Variants in PARPBP observed in about 807,000 individuals in gnomAD.
PARPBP encodes the protein PCNA-interacting partner.
In PARPBP, 52 loss-of-function variants were observed where a neutral mutation model predicts 50.0. That is an observed-to-expected ratio of 1.04 (90% CI 0.83 to 1.31). The LOEUF (loss-of-function observed/expected upper bound fraction) is 1.31, where lower values mean the gene tolerates loss of function less well. Among genes scored for constraint, PARPBP ranks in the 50% most tolerant of loss-of-function variants. PARPBP has a pLI of 0.00. For synonymous variants in PARPBP, 244 were observed against 232.1 expected (o/e 1.05, Z -0.47); for missense variants, 697 against 672.0 (o/e 1.04, Z -0.41).
At chr12:102,193,161 G>T (rs944447795) in intron 9 of PARPBP, among the ~76,000 whole-genome samples, 5 of 151,776 alleles carry the variant, frequency 3.3e-5, no homozygotes, top group African/African-American at 1.2e-4. Flanking sequence ...AAATCTAGTT[G>T]TAAGGAGAGC....
intron 9 of PARPBP, among the ~76,000 whole-genome samples, chr12:102,184,063 A>G (rs1490796183): frequency 4.6e-5 from 7 of 151,362 alleles, no homozygotes; most frequent in South Asian, 4.2e-4. Flanking sequence ...AAAAAAAAAA[A>G]AAAGAAAGAA....
intron 2 of PARPBP, among the ~76,000 whole-genome samples, chr12:102,145,619 C>T (rs923707767): frequency 3.9e-5 from 6 of 152,018 alleles, no homozygotes; most frequent in Non-Finnish European, 7.4e-5. Flanking sequence ...TATTAGCATG[C>T]AAACATGTTG....
intron 4 of PARPBP, among the ~76,000 whole-genome samples, chr12:102,163,293 T>C (rs1238309535): frequency 2.0e-5 from 3 of 152,240 alleles, no homozygotes; most frequent in Non-Finnish European, 4.4e-5. Flanking sequence ...TAATATACTG[T>C]TCCAATATCA....
chr12:102,135,082 GT>G (rs1247117502), intron 2 of PARPBP, among the ~76,000 whole-genome samples: 1 of 152,094 alleles, frequency 6.6e-6, no homozygotes, highest in African/African-American at 2.4e-5. Flanking sequence ...CCCTTTTAGG[GT>G]TTTTGGCTGG....
intron 6 of PARPBP, among the ~76,000 whole-genome samples, 186 bp downstream of exon 6, chr12:102,166,069 G>A (rs914417471): frequency 3.9e-5 from 6 of 152,106 alleles, no homozygotes; most frequent in African/African-American, 7.2e-5. Flanking sequence ...CTGTGATTCT[G>A]AGTTTTGGCC....
At chr12:102,136,104 T>C (rs1464153633) in intron 2 of PARPBP, among the ~76,000 whole-genome samples, 2 of 152,234 alleles carry the variant, frequency 1.3e-5, no homozygotes, top group Non-Finnish European at 2.9e-5. Context: ...CAACTGACCT[T>C]CCCGTTCATA....
chr12:102,148,362 G>T lies in PARPBP; in HGVS notation c.286G>T (p.Asp96Tyr), dbSNP rs1885710683. ...TTATGAGGACGTTAGGAAGATTTAT[G>T]ATGATTTCTTGAAGAACAGTAATAT... ...DHYEDVRKIY[D>Y]DFLKNSNMLD... Residue 96 changes from aspartate to tyrosine, a missense_variant, in exon 3 of 11, where the codon GAT becomes TAT. Transcript: ENST00000327680. The T allele has an allele frequency of 6.3e-7, 1 of 1,589,162 alleles. No homozygotes were observed. Among genetic ancestry groups the T allele is most frequent in the African/African-American group, 1.3e-5 (1 of 74,416 alleles).
Position 102,196,662 on chromosome 12 carries a change from C to A in PARPBP, c.*371C>A. 6.2e-7 allele frequency: 1 copy of A among 1,610,150 alleles called. No individual in the cohort carries two copies. Among genetic ancestry groups the A allele is most frequent in the Non-Finnish European group, 8.5e-7 (1 of 1,176,880 alleles). On this transcript the variant is annotated 3_prime_UTR_variant, in exon 11 of 11. Coordinates refer to ENST00000327680, the MANE Select transcript of PARPBP (RefSeq NM_017915.5). ...GTGGACCAACAGGTATCAGACTTGC[C>A]AACAAGGTCGGTAGACTCTTCCCAG...
intron 4 of PARPBP, among the ~76,000 whole-genome samples, chr12:102,154,425 AG>A (rs1385497707): frequency 6.6e-6 from 1 of 152,182 alleles, no homozygotes; most frequent in Non-Finnish European, 1.5e-5. Flanking sequence ...GCCACATACA[AG>A]TTTGGTTTAA....
Position 102,195,984 on chromosome 12 carries a change from T to C in PARPBP, c.1433T>C (p.Ile478Thr). ...GVNPSVGRSTIGTSFGNVHLD... is the reference protein window; with the variant it reads ...GVNPSVGRSTTGTSFGNVHLD... ...AATCCATCTGTTGGAAGATCAACAA[T>C]TGGAACGAGTTTTGGAAATGTTCAT... The change falls in exon 11 of 11, where the codon ATT becomes ACT. Residue 478 changes from isoleucine to threonine, a missense_variant. By Grantham distance (89) the Ile-to-Thr change is moderately conservative (BLOSUM62 -1). Coordinates refer to ENST00000327680, the MANE Select transcript of PARPBP (RefSeq NM_017915.5). 1 of 1,605,912 alleles carries C rather than the reference T, an allele frequency of 6.2e-7. No homozygotes were observed. Among genetic ancestry groups the C allele is most frequent in the Non-Finnish European group, 8.5e-7 (1 of 1,176,468 alleles).
At chr12:102,171,477 A>G (rs1888723061) in intron 6 of PARPBP, among the ~76,000 whole-genome samples, 1 of 152,156 alleles carries the variant, frequency 6.6e-6, no homozygotes. Flanking sequence ...TACAGCACAT[A>G]ACTATTTATG....
intron 2 of PARPBP, among the ~76,000 whole-genome samples, chr12:102,127,183 C>A (rs1395449338): frequency 6.6e-6 from 1 of 151,922 alleles, no homozygotes; most frequent in East Asian, 1.9e-4. Flanking sequence ...TCACTTAAGC[C>A]CAGAAGTTCA....
intron 3 of PARPBP, chr12:102,151,660 G>C: frequency 6.5e-7 from 1 of 1,535,568 alleles, no homozygotes. Flanking sequence ...ACCAGTGTCA[G>C]CCTCATTGAC....
chr12:102,147,326 A>G (rs548490108), intron 2 of PARPBP, among the ~76,000 whole-genome samples: 2 of 152,148 alleles, frequency 1.3e-5, no homozygotes, highest in Non-Finnish European at 2.9e-5. Context: ...CAAATGTCCA[A>G]CAATGATAGA....
chr12:102,125,845 G>A (rs1881911032), intron 2 of PARPBP, among the ~76,000 whole-genome samples: 3 of 152,228 alleles, frequency 2.0e-5, no homozygotes, highest in East Asian at 3.9e-4. Flanking sequence ...AATTGACTTC[G>A]TCAAAGAGAT....
chr12:102,174,287 C>A (rs538987032), intron 6 of PARPBP, among the ~76,000 whole-genome samples: 1 of 152,026 alleles, frequency 6.6e-6, no homozygotes, highest in Non-Finnish European at 1.5e-5. Flanking sequence ...AAACAAATGC[C>A]GGATATGAGT....
intron 2 of PARPBP, among the ~76,000 whole-genome samples, chr12:102,145,382 G>A (rs994207588): frequency 2.6e-5 from 4 of 151,968 alleles, no homozygotes; most frequent in African/African-American, 7.3e-5. Flanking sequence ...AATCATATCT[G>A]GATACTTAAA....
At chr12:102,134,868 G>A (rs1883389303) in intron 2 of PARPBP, among the ~76,000 whole-genome samples, 1 of 152,146 alleles carries the variant, frequency 6.6e-6, no homozygotes, top group Admixed American at 6.5e-5. Flanking sequence ...TATAGAGACA[G>A]GGTTTCTCCA....
intron 6 of PARPBP, among the ~76,000 whole-genome samples, chr12:102,167,544 G>A (rs191435455): frequency 1.3e-5 from 2 of 152,222 alleles, no homozygotes; most frequent in African/African-American, 4.8e-5. Context: ...TTTATTTATA[G>A]CATGATGCCC....
Sources: allele counts gnomAD v4.1 joint callset (sites outside exome capture counted in the v4.1 genomes callset), GRCh38; gene constraint gnomAD v4.1.1; transcripts MANE v1.5; gene names NCBI Gene and HGNC (gene_info 2026-07-23, HGNC 2026-07-21).